KCNH1: variants seen among roughly 807,000 people sequenced by gnomAD.
The protein encoded by KCNH1 is voltage-gated delayed rectifier potassium channel KCNH1.
A neutral mutation model predicts 69.2 loss-of-function variants in KCNH1; 27 were observed. That is an observed-to-expected ratio of 0.39 (90% CI 0.29 to 0.54). The LOEUF is 0.54. Ranked by LOEUF, KCNH1 falls within the 20% of genes least tolerant of loss-of-function variation. The pLI is 0.68. For missense variants in KCNH1, 798 were observed against 1,261.6 expected (o/e 0.63, Z 5.57); for synonymous variants, 456 against 487.7 (o/e 0.93, Z 0.86).
At chr1:210,698,328 T>G (rs573998213) in intron 10 of KCNH1, among the ~76,000 whole-genome samples, 4 of 152,020 alleles carry the variant, frequency 2.6e-5, no homozygotes, top group African/African-American at 9.7e-5. Flanking sequence ...CTCCCACAGC[T>G]TACCCCGTGG....
intron 10 of KCNH1, among the ~76,000 whole-genome samples, chr1:210,709,718 AAAGAAGAG>A (rs1488273157): frequency 2.4e-4 from 33 of 135,354 alleles, no homozygotes; most frequent in African/African-American, 8.5e-4. Flanking sequence ...AGAAAGAAAG[AAAGAAGAG>A]AGAGAGAGAG....
chr1:210,935,633 C>A (rs556204778), intron 6 of KCNH1, among the ~76,000 whole-genome samples: 2 of 152,174 alleles, frequency 1.3e-5, no homozygotes, highest in East Asian at 3.9e-4. Context: ...CGGTTATGTG[C>A]CAATTAAAAA....
At chr1:210,793,481 C>G (rs1454686298) in intron 9 of KCNH1, among the ~76,000 whole-genome samples, 1 of 152,210 alleles carries the variant, frequency 6.6e-6, no homozygotes, top group African/African-American at 2.4e-5. Context: ...AGGTTCCAGT[C>G]ACAAAAGTTT....
chr1:210,873,416 T>C (rs1342446969), intron 7 of KCNH1, among the ~76,000 whole-genome samples: 1 of 152,224 alleles, frequency 6.6e-6, no homozygotes, highest in Non-Finnish European at 1.5e-5. Context: ...AGGGCGATTA[T>C]AGCTTACTGC....
Position 210,827,485 on chromosome 1 carries a change from A to T in KCNH1, c.1463-23319T>A, listed in dbSNP as rs538239818. On this transcript the variant is annotated intron_variant, in intron 7 of 10. Coordinates refer to ENST00000271751, the MANE Select transcript of KCNH1 (RefSeq NM_172362.3). ...AGGCTGAGAATTGGTAAGATCAAAG[A>T]TGACTAAGACAATTTCTATGCTAAA... Among the ~76,000 whole-genome samples, 7 of 152,368 alleles carry T rather than the reference A, an allele frequency of 4.6e-5. No individual in the cohort carries two copies. In the South Asian group the frequency reaches 1.4e-3, roughly 32 times the overall value.
chr1:210,737,510 C>A (rs1199789226), intron 10 of KCNH1, among the ~76,000 whole-genome samples: 2 of 152,220 alleles, frequency 1.3e-5, no homozygotes, highest in Non-Finnish European at 2.9e-5. Context: ...ATTCATTTCT[C>A]AGATCATCTC....
intron 6 of KCNH1, among the ~76,000 whole-genome samples, chr1:210,962,335 T>C (rs1444063602): frequency 2.0e-5 from 3 of 152,160 alleles, no homozygotes; most frequent in Non-Finnish European, 4.4e-5. Context: ...ATCTTTTCCA[T>C]TTTTTTCATT....
chr1:210,717,183 A>G (rs531404523), intron 10 of KCNH1, among the ~76,000 whole-genome samples: 1 of 152,212 alleles, frequency 6.6e-6, no homozygotes, highest in African/African-American at 2.4e-5. Flanking sequence ...TCCCTGAGGG[A>G]TTTTGAAGAG....
intron 1 of KCNH1, among the ~76,000 whole-genome samples, chr1:211,107,736 G>T (rs901269415): frequency 7.2e-5 from 11 of 152,156 alleles, no homozygotes; most frequent in Non-Finnish European, 1.6e-4. Context: ...GCAAGAGAGA[G>T]CCCAAAAGTA....
intron 7 of KCNH1, among the ~76,000 whole-genome samples, chr1:210,821,908 C>T (rs111272788): frequency 4.6e-5 from 7 of 151,860 alleles, no homozygotes; most frequent in African/African-American, 1.7e-4. Flanking sequence ...ATGATCATAG[C>T]TCATTGCAGC....
chr1:210,717,381 C>T (rs940284509), intron 10 of KCNH1, among the ~76,000 whole-genome samples: 7 of 152,156 alleles, frequency 4.6e-5, no homozygotes, highest in African/African-American at 1.7e-4. Context: ...TCAGCATGGC[C>T]CCTGCTGCTC....
intron 10 of KCNH1, among the ~76,000 whole-genome samples, chr1:210,743,759 A>C (rs533994967): frequency 6.6e-6 from 1 of 152,300 alleles, no homozygotes; most frequent in African/African-American, 2.4e-5. Flanking sequence ...AAGTGACTCT[A>C]CTCATTGACC....
intron 10 of KCNH1, among the ~76,000 whole-genome samples, chr1:210,738,855 T>C (rs1301949791): frequency 6.6e-6 from 1 of 152,142 alleles, no homozygotes; most frequent in Non-Finnish European, 1.5e-5. Context: ...CATGAGCCAT[T>C]GCGCCTGACC....
At position 210,681,691 on chromosome 1, in the gene KCNH1, A is replaced by ATGGGGTCACCGTCTAACACAGGCAAAGG. The variant is rs1681270269; in HGVS notation, c.*1562_*1589dup. On this transcript the variant is annotated 3_prime_UTR_variant, in exon 11 of 11. Coordinates refer to ENST00000271751, the MANE Select transcript of KCNH1 (RefSeq NM_172362.3). The stretch of plus-strand genomic sequence containing the variant: ...CTTTGGTAGGGCAGAGGTACCAGGA[A>ATGGGGTCACCGTCTAACACAGGCAAAGG]TGGGGTCACCGTCTAACACAGGCAA... 4 of 152,336 alleles carry ATGGGGTCACCGTCTAACACAGGCAAAGG rather than the reference A, an allele frequency of 2.6e-5. No homozygotes were observed. The highest frequency in any genetic ancestry group is 5.9e-5 in the Non-Finnish European group (4 of 68,170). The allele number at this position is 152,336 out of a possible 1,614,324, so 9.4% of individuals were successfully genotyped here. A position where few individuals can be genotyped will look rare whatever the true frequency, so the allele number is the denominator to read the frequency against.
At chr1:210,854,655 G>A (rs1389245973) in intron 7 of KCNH1, among the ~76,000 whole-genome samples, 1 of 152,234 alleles carries the variant, frequency 6.6e-6, no homozygotes, top group Non-Finnish European at 1.5e-5. Flanking sequence ...CATCAAAGGT[G>A]TGGGCATTGT....
chr1:210,990,150 C>A (rs75210514), intron 6 of KCNH1, among the ~76,000 whole-genome samples: 331 of 152,330 alleles, frequency 2.2e-3, no homozygotes, highest in African/African-American at 7.6e-3. Flanking sequence ...ACAGCAGCAT[C>A]TCAAATGAGG....
intron 5 of KCNH1, among the ~76,000 whole-genome samples, chr1:211,080,445 C>T (rs965348827): frequency 1.2e-4 from 18 of 152,182 alleles, no homozygotes; most frequent in African/African-American, 4.3e-4. Context: ...CAATGACTTT[C>T]TTCACAGAAT....
At chr1:211,046,391 A>G (rs1690095698) in intron 5 of KCNH1, among the ~76,000 whole-genome samples, 1 of 152,226 alleles carries the variant, frequency 6.6e-6, no homozygotes, top group African/African-American at 2.4e-5. Context: ...ACCATGTAAT[A>G]GCATGAAAGT....
At chr1:210,994,763 T>C (rs1362880584) in intron 6 of KCNH1, among the ~76,000 whole-genome samples, 3 of 152,168 alleles carry the variant, frequency 2.0e-5, no homozygotes, top group Admixed American at 6.5e-5. Flanking sequence ...TATACCCCAG[T>C]AGATGTGCAG....
Sources: allele counts gnomAD v4.1 joint callset (sites outside exome capture counted in the v4.1 genomes callset), GRCh38; gene constraint gnomAD v4.1.1; transcripts MANE v1.5; gene names NCBI Gene and HGNC (gene_info 2026-07-23, HGNC 2026-07-21).